Variants in ILDR2 observed in about 807,000 individuals in gnomAD.
The protein encoded by ILDR2 is immunoglobulin like domain containing receptor 2.
A neutral mutation model predicts 66.8 loss-of-function variants in ILDR2; 25 were observed. The ratio of observed to expected loss-of-function variants is 0.37; its 90% confidence interval spans 0.27 to 0.52. The LOEUF is 0.52. Ranked by LOEUF, ILDR2 falls within the 20% of genes least tolerant of loss-of-function variation. The pLI is 0.88. For synonymous variants in ILDR2, 367 were observed against 357.2 expected (o/e 1.03, Z -0.31); for missense variants, 827 against 876.8 (o/e 0.94, Z 0.72).
At position 166,920,754 on chromosome 1, in the gene ILDR2, G is replaced by A; in HGVS notation, c.1837C>T (p.His613Tyr). The change falls in exon 9 of 10, where the codon CAC (histidine) becomes TAC (tyrosine). Residue 613 changes from histidine to tyrosine, a missense_variant. Physicochemically the swap from His to Tyr is moderately conservative, Grantham distance 83. This residue lies in a region of ILDR2 where 390 missense variants were observed against 353.6 expected (regional missense o/e 1.10). Transcript: ENST00000271417. ...PSYRGRDLPY[H>Y]SNSEKKRKKE... is the part of the protein sequence containing the mutation. ...TTCCTCTTCTTCTCCGAGTTGCTGT[G>A]GTAGGGCAGGTCGCGGCCGCGGTAG... 6.7e-7 allele frequency: 1 copy of A among 1,485,570 alleles called. No individual in the cohort carries two copies. The highest frequency in any genetic ancestry group is 8.9e-7 in the Non-Finnish European group (1 of 1,117,532). The allele number at this position is 1,485,570 out of a possible 1,614,324, so 92.0% of individuals were successfully genotyped here.
rs957940079 is a variant in ILDR2 at position 166,916,424 on chromosome 1, T to G, written c.*2931A>C. ...TCTCCTTTCTTGAGCATGTCTTATT[T>G]CCCCTATTAAATTACGGGGTCCTAG... On this transcript the variant is annotated 3_prime_UTR_variant, in exon 10 of 10. Transcript: ENST00000271417. 1 of 152,220 alleles carries G rather than the reference T, an allele frequency of 6.6e-6. No individual in the cohort carries two copies. Among genetic ancestry groups the G allele is most frequent in the Non-Finnish European group, 1.5e-5 (1 of 68,040 alleles). The allele number at this position is 152,220 out of a possible 1,614,324, so 9.4% of individuals were successfully genotyped here.
intron 7 of ILDR2, among the ~76,000 whole-genome samples, chr1:166,925,431 A>G (rs1660219724): frequency 6.6e-6 from 1 of 152,156 alleles, no homozygotes; most frequent in African/African-American, 2.4e-5. Context: ...GGTGCTTGTT[A>G]CTTTCCCTTT....
chr1:166,960,049 C>T (rs17331507), intron 1 of ILDR2, among the ~76,000 whole-genome samples: 1,859 of 152,288 alleles, frequency 0.012, 19 homozygotes, highest in Non-Finnish European at 0.02. Flanking sequence ...GAATATGCCT[C>T]TTTACTGAAG....
In ILDR2 at chr1:166,936,867, G is replaced by A; in HGVS notation, c.557-130C>T. On this transcript the variant is annotated intron_variant, in intron 4 of 9. Coordinates refer to ENST00000271417, the MANE Select transcript of ILDR2 (RefSeq NM_199351.3). This position sits in a 1 kb window ranked among gnomAD's most constrained non-coding sequence, Gnocchi z 5.0. The stretch of plus-strand genomic sequence containing the variant: ...TAGGGAAGAAAGCTTCTCTTAACAG[G>A]AGACAGAGCCCCAACACTCAAGAGG... 1 of 832,776 alleles carries A rather than the reference G, an allele frequency of 1.2e-6. No individual in the cohort carries two copies. The highest frequency in any genetic ancestry group is 1.9e-6 in the Non-Finnish European group (1 of 518,188). The allele number at this position is 832,776 out of a possible 1,614,324, so 51.6% of individuals were successfully genotyped here.
At position 166,975,235 on chromosome 1, in the gene ILDR2, A is replaced by C; in HGVS notation, c.34T>G (p.Phe12Val). ...DRVLLRWISL[F>V]WLTAMVEGLQ... ...AAAGGACTCTTACCTGTTAGCCAGA[A>C]GAGAGAAATCCACCTCAGCAAGACC... Residue 12 changes from phenylalanine (F) to valine (V), a missense_variant, in exon 1 of 10, where the codon TTC becomes GTC. Physicochemically the swap from Phe to Val is conservative, Grantham distance 50. Around this residue, in one of 2 missense-constraint regions of ILDR2, gnomAD observed 437 missense variants for 523.2 expected, o/e 0.84. Coordinates refer to ENST00000271417, the MANE Select transcript of ILDR2 (RefSeq NM_199351.3). 6.2e-7 allele frequency: 1 copy of C among 1,613,162 alleles called. No individual in the cohort carries two copies.
intron 7 of ILDR2, among the ~76,000 whole-genome samples, chr1:166,924,708 C>G (rs948595696): frequency 6.6e-6 from 1 of 152,128 alleles, no homozygotes; most frequent in African/African-American, 2.4e-5. Flanking sequence ...TCCAATAAAC[C>G]TTTATTTATA....
Position 166,921,912 on chromosome 1 carries a change from G to A in ILDR2, c.1212-533C>T, listed in dbSNP as rs1310005852. Among the ~76,000 whole-genome samples the A allele has an allele frequency of 1.3e-5, 2 of 152,140 alleles. No homozygotes were observed. The highest frequency in any genetic ancestry group is 2.9e-5 in the Non-Finnish European group (2 of 68,024). On this transcript the variant is annotated intron_variant, in intron 8 of 9. Transcript: ENST00000271417. This position sits in a 1 kb window ranked among gnomAD's most constrained non-coding sequence, Gnocchi z 5.3. Reference sequence around the variant, plus strand: ...CTTTTAAGGTAAAGGACAGATGAGTGGTGAAGGTGCTATTTAGGGGGAATA... The same window carrying A: ...CTTTTAAGGTAAAGGACAGATGAGTAGTGAAGGTGCTATTTAGGGGGAATA...
intron 1 of ILDR2, among the ~76,000 whole-genome samples, chr1:166,968,666 G>C (rs1287542275): frequency 6.6e-6 from 1 of 152,236 alleles, no homozygotes; most frequent in Non-Finnish European, 1.5e-5. Context: ...TGGTCAATGG[G>C]TTGTGAGCAG....
chr1:166,963,994 A>G (rs913081534), intron 1 of ILDR2, among the ~76,000 whole-genome samples: 8 of 152,164 alleles, frequency 5.3e-5, no homozygotes, highest in Non-Finnish European at 1.2e-4. Context: ...CCTGTGCTTC[A>G]CCCTATAAAC....
intron 6 of ILDR2, among the ~76,000 whole-genome samples, chr1:166,927,745 A>G (rs1434106176): frequency 6.6e-6 from 1 of 152,264 alleles, no homozygotes; most frequent in Non-Finnish European, 1.5e-5. Context: ...CCATATACAT[A>G]GTAGTACAAA....
downstream of ILDR2, among the ~76,000 whole-genome samples, chr1:166,904,499 G>A (rs1325807268): frequency 6.6e-6 from 1 of 152,180 alleles, no homozygotes; most frequent in African/African-American, 2.4e-5. Flanking sequence ...CTCCATAGTT[G>A]TTTACAAAGC....
downstream of ILDR2, among the ~76,000 whole-genome samples, chr1:166,905,420 A>C (rs2101814622): frequency 6.6e-6 from 1 of 152,328 alleles, no homozygotes; most frequent in Admixed American, 6.5e-5. Flanking sequence ...ATAACATTTA[A>C]ATTTTCTGCC....
In ILDR2 at chr1:166,914,513, T is replaced by A. The variant is rs1014223703; in HGVS notation, c.*4842A>T. On this transcript the variant is annotated 3_prime_UTR_variant, in exon 10 of 10. Transcript: ENST00000271417. ...GAGACCACAACATCTGCCCTGCCTC[T>A]ATCACAGCAGTTGATGTTGGGATCA... 1 of 152,262 alleles carries A rather than the reference T, an allele frequency of 6.6e-6. No individual in the cohort carries two copies. The highest frequency in any genetic ancestry group is 2.4e-5 in the African/African-American group (1 of 41,474). 9.4% of individuals were successfully genotyped at this position (152,262 alleles called of 1,614,324 possible). A position where few individuals can be genotyped will look rare whatever the true frequency, so the allele number is the denominator to read the frequency against.
At position 166,909,753 on chromosome 1, in the gene ILDR2, AT is replaced by A. The variant is rs1557921247; in HGVS notation, c.*9601del. On this transcript the variant is annotated 3_prime_UTR_variant, in exon 10 of 10. Coordinates refer to ENST00000271417, the MANE Select transcript of ILDR2 (RefSeq NM_199351.3). ...TATACATACATATATATATATATAT[AT>A]ATATAAATATATATAAATATATATA... 9 of 74,646 alleles carry A rather than the reference AT, an allele frequency of 1.2e-4. No individual in the cohort carries two copies. In the South Asian group the frequency reaches 3.3e-3, roughly 27 times the overall value. 4.6% of individuals were successfully genotyped at this position (74,646 alleles called of 1,614,324 possible). A position where few individuals can be genotyped will look rare whatever the true frequency, so the allele number is the denominator to read the frequency against.
At chr1:166,920,407 G>A (rs1659840916) in intron 9 of ILDR2, among the ~76,000 whole-genome samples, 6 of 152,208 alleles carry the variant, frequency 3.9e-5, no homozygotes, top group Admixed American at 3.9e-4. Flanking sequence ...AAAGGCTTCT[G>A]AGTTGGTTAA....
At chr1:166,942,931 T>A (rs896690991) in intron 3 of ILDR2, among the ~76,000 whole-genome samples, 1 of 152,190 alleles carries the variant, frequency 6.6e-6, no homozygotes, top group Non-Finnish European at 1.5e-5. Flanking sequence ...ATCAGACATA[T>A]GGACAGGTGA....
chr1:166,901,972 C>T (rs970737173), intron 2 of ILDR2, among the ~76,000 whole-genome samples: 25 of 152,138 alleles, frequency 1.6e-4, no homozygotes, highest in Admixed American at 2.0e-4. Flanking sequence ...GCGATTCTCC[C>T]GCCTCAGCCT....
In ILDR2 at chr1:166,926,931, T is replaced by G. The variant is rs745979262; in HGVS notation, c.994+136A>C. On this transcript the variant is annotated intron_variant, in intron 7 of 9. Transcript: ENST00000271417. Reference sequence around the variant, plus strand: ...CTCTGTGTACTGAGAGCTACTTTCTTCAGTAGTGTCACCAGCACCCCTGCT... The same window carrying G: ...CTCTGTGTACTGAGAGCTACTTTCTGCAGTAGTGTCACCAGCACCCCTGCT... 3.9e-5 allele frequency: 22 copies of G among 559,300 alleles called. 1 individual carries two copies. Among genetic ancestry groups the G allele is most frequent in the Non-Finnish European group, 6.6e-5 (21 of 319,106 alleles). 34.6% of individuals were successfully genotyped at this position (559,300 alleles called of 1,614,324 possible). A position where few individuals can be genotyped will look rare whatever the true frequency, so the allele number is the denominator to read the frequency against.
rs1413583164 is a variant in ILDR2, at chr1:166,909,487, T to C, written c.*9868A>G. ...CTTAAGCTAGTCTGAGCTATCTTCC[T>C]GTCATTTGCAACCAAAAATTTTTTT... On this transcript the variant is annotated 3_prime_UTR_variant, in exon 10 of 10. Coordinates refer to ENST00000271417, the MANE Select transcript of ILDR2 (RefSeq NM_199351.3). 2 of 151,776 alleles carry C rather than the reference T, an allele frequency of 1.3e-5. No homozygotes were observed. The highest frequency in any genetic ancestry group is 2.9e-5 in the Non-Finnish European group (2 of 68,002). 9.4% of individuals were successfully genotyped at this position (151,776 alleles called of 1,614,324 possible).
Sources: allele counts gnomAD v4.1 joint callset (sites outside exome capture counted in the v4.1 genomes callset), GRCh38; gene constraint gnomAD v4.1.1; regional missense constraint gnomAD v4.1.1; non-coding constraint Gnocchi (gnomAD v3.1); transcripts MANE v1.5; gene names NCBI Gene and HGNC (gene_info 2026-07-23, HGNC 2026-07-21).